RMC1: variants seen among roughly 807,000 people sequenced by gnomAD.
RMC1 encodes regulator of MON1-CCZ1 complex.
Under a neutral mutation model 95.5 loss-of-function variants are expected in RMC1, and 44 were observed. The ratio of observed to expected loss-of-function variants is 0.46; its 90% CI spans 0.36 to 0.59. RMC1 has a LOEUF of 0.59. Ranked by LOEUF, RMC1 falls within the 20% of genes least tolerant of loss-of-function variation. RMC1 has a pLI of 0.00. For missense variants in RMC1, 705 were observed against 819.6 expected, an observed-to-expected ratio of 0.86 and a Z score of 1.71; for synonymous variants, 320 against 303.6, an observed-to-expected ratio of 1.05 and a Z score of -0.56.
intron 10 of RMC1, among the ~76,000 whole-genome samples, chr18:23,521,607 G>T (rs1359192570): frequency 2.6e-5 from 4 of 152,144 alleles, no homozygotes; most frequent in African/African-American, 9.7e-5. Flanking sequence ...AAAAGGGAAA[G>T]AAGTCATTTA....
At position 23,526,705 on chromosome 18, in the gene RMC1, A is replaced by G. The variant is rs138572658; in HGVS notation, c.1129A>G (p.Met377Val). Residue 377 changes from methionine (M) to valine (V), a missense_variant, in exon 13 of 20, where the codon ATG becomes GTG. Physicochemically the swap from Met to Val is conservative, Grantham distance 21. Coordinates refer to ENST00000269221, the MANE Select transcript of RMC1 (RefSeq NM_013326.5). ...VNLLPDKGRLMDFLLQRKECK... is the reference protein window; with the variant it reads ...VNLLPDKGRLVDFLLQRKECK... ...TCTCTTACCAGACAAAGGAAGACTC[A>G]TGGACTTTCTCCTCCAGAGAAAGGA... 1.8e-5 allele frequency: 29 copies of G among 1,613,950 alleles called. No individual in the cohort carries two copies. The highest frequency in any genetic ancestry group is 2.2e-5 in the South Asian group (2 of 91,092).
chr18:23,525,631 GC>G (rs1337647387), intron 12 of RMC1, among the ~76,000 whole-genome samples: 1 of 151,940 alleles, frequency 6.6e-6, no homozygotes, highest in Non-Finnish European at 1.5e-5. Flanking sequence ...CACCATGTTG[GC>G]CAGGATGGTC....
chr18:23,522,195 CAG>C (rs1207523191), intron 10 of RMC1: 1 of 152,260 alleles, frequency 6.6e-6, no homozygotes, highest in Non-Finnish European at 1.5e-5. Context: ...TGGTTCTTAA[CAG>C]ACGTTCAATT....
At chr18:23,529,785 A>T (rs996991334) in intron 16 of RMC1, 73 bp downstream of exon 16, 52 of 1,428,352 alleles carry the variant, frequency 3.6e-5, no homozygotes, top group Non-Finnish European at 4.8e-5. Context: ...CTGTCTTAGA[A>T]GATGACTCAT....
intron 3 of RMC1, among the ~76,000 whole-genome samples, chr18:23,507,574 A>T (rs886219623): frequency 6.6e-6 from 1 of 152,160 alleles, no homozygotes; most frequent in Admixed American, 6.5e-5. Flanking sequence ...GCCCGTGTAA[A>T]TGTTCACCAT....
At chr18:23,528,106 G>A in intron 14 of RMC1, 4 of 507,768 alleles carry the variant, frequency 7.9e-6, no homozygotes, top group Non-Finnish European at 1.4e-5. Context: ...GCTGGCGGCT[G>A]CATCTCACTT....
chr18:23,531,509 A>G (rs1415534900), intron 19 of RMC1, 116 bp from the exon 20 acceptor site: 9 of 1,497,784 alleles, frequency 6.0e-6, no homozygotes, highest in Non-Finnish European at 8.0e-6. Flanking sequence ...TTAGGAAAAC[A>G]ATGTATTTTA....
chr18:23,514,816 A>G (rs2057956998), intron 5 of RMC1, among the ~76,000 whole-genome samples: 1 of 152,146 alleles, frequency 6.6e-6, no homozygotes, highest in Admixed American at 6.6e-5. Flanking sequence ...AGCACATCCT[A>G]ATTATTATAG....
chr18:23,514,865 A>G (rs2057958795), intron 5 of RMC1, among the ~76,000 whole-genome samples: 1 of 152,214 alleles, frequency 6.6e-6, no homozygotes, highest in Non-Finnish European at 1.5e-5. Flanking sequence ...TGACTTGCGC[A>G]GCAGTTCTTC....
Position 23,530,219 on chromosome 18 carries a change from T to C in RMC1, c.1600-10T>C, listed in dbSNP as rs757758621. On this transcript the variant is annotated splice_polypyrimidine_tract_variant and intron_variant, in intron 17 of 19. Transcript: ENST00000269221. ...TTTCCAACTGAAGTGGGTCTAAAAA[T>C]GTCTTTCAGGCTTGTCTGCTGTTAT... 1.9e-6 allele frequency: 3 copies of C among 1,614,222 alleles called. No individual in the cohort carries two copies. The Admixed American group carries it at 5.0e-5, about 27-fold the overall frequency.
At chr18:23,520,036 G>T (rs1204208348) in intron 9 of RMC1, among the ~76,000 whole-genome samples, 166 bp from the exon 10 acceptor site, 1 of 152,184 alleles carries the variant, frequency 6.6e-6, no homozygotes, top group African/African-American at 2.4e-5. Flanking sequence ...TTAAAAGAGA[G>T]TTGTGATGTT....
At chr18:23,506,686 G>A (rs1406206120) in intron 2 of RMC1, 1 of 322,778 alleles carries the variant, frequency 3.1e-6, no homozygotes, top group East Asian at 9.5e-5. Flanking sequence ...TCCTGAGCGG[G>A]TCTATAGTTA....
chr18:23,524,202 G>C (rs938103624), intron 11 of RMC1, 28 bp downstream of exon 11: 2 of 1,611,130 alleles, frequency 1.2e-6, no homozygotes, highest in African/African-American at 2.7e-5. Flanking sequence ...GTGGCACCGT[G>C]CACAACAGGG....
chr18:23,530,060 T>C lies in RMC1; in HGVS notation c.1527T>C (p.Leu509=), dbSNP rs753753862. The part of the protein sequence containing the change: ...HYLHELVIKT[L]VQHNLFYMLH... Reference sequence around the variant, plus strand: ...TACATGAACTTGTTATCAAAACCCTTGTCCAGCACAACCTCTTTTATATGC... The same window carrying C: ...TACATGAACTTGTTATCAAAACCCTCGTCCAGCACAACCTCTTTTATATGC... The change falls in exon 17 of 20, where the codon CTT becomes CTC. Residue 509 remains leucine (L), a synonymous_variant. Transcript: ENST00000269221. 6.2e-7 allele frequency: 1 copy of C among 1,614,204 alleles called. No homozygotes were observed. Among genetic ancestry groups the C allele is most frequent in the Admixed American group, 1.7e-5 (1 of 60,022 alleles).
intron 7 of RMC1, among the ~76,000 whole-genome samples, chr18:23,518,000 G>A (rs964368960): frequency 6.6e-6 from 1 of 152,210 alleles, no homozygotes; most frequent in Non-Finnish European, 1.5e-5. Flanking sequence ...TTATAGGCAT[G>A]AGCCGCCGTG....
chr18:23,520,126 C>A, intron 9 of RMC1, 76 bp from the exon 10 acceptor site: 1 of 1,097,408 alleles, frequency 9.1e-7, no homozygotes, highest in East Asian at 2.4e-5. Context: ...ATTTAAACAG[C>A]AAGATGGGAT....
chr18:23,525,015 T>G (rs2058255254), intron 12 of RMC1, among the ~76,000 whole-genome samples: 1 of 149,702 alleles, frequency 6.7e-6, no homozygotes, highest in Admixed American at 6.7e-5. Flanking sequence ...GGCGTGATCT[T>G]GGCTCACTGC....
chr18:23,524,595 C>A, intron 12 of RMC1, 113 bp downstream of exon 12: 2 of 1,071,798 alleles, frequency 1.9e-6, no homozygotes, highest in Non-Finnish European at 2.8e-6. Context: ...CCCCTCCTTT[C>A]AAGCGTGGGA....
At chr18:23,530,184 A>T (rs377192338) in intron 17 of RMC1, 45 bp from the exon 18 acceptor site, 132 of 1,613,792 alleles carry the variant, frequency 8.2e-5, no homozygotes, top group Non-Finnish European at 1.1e-4. Context: ...GGAAAATTTT[A>T]ACCGTTATCT....
Sources: allele counts gnomAD v4.1 joint callset (sites outside exome capture counted in the v4.1 genomes callset), GRCh38; gene constraint gnomAD v4.1.1; transcripts MANE v1.5; gene names NCBI Gene and HGNC (gene_info 2026-07-23, HGNC 2026-07-21).